Variants in GNB4 observed in about 807,000 individuals in gnomAD.
The protein encoded by GNB4 is guanine nucleotide-binding protein subunit beta-4.
In GNB4, 28 loss-of-function variants were observed where a neutral mutation model predicts 45.2. The observed-to-expected ratio is 0.62, with a 90% CI of 0.46 to 0.85. The LOEUF is 0.85. Ranked by LOEUF, GNB4 falls within the 40% of genes least tolerant of loss-of-function variation. The pLI is 0.00. For synonymous variants in GNB4, 132 were observed against 143.7 expected, an observed-to-expected ratio of 0.92 and a Z score of 0.58; for missense variants, 321 against 425.4, an observed-to-expected ratio of 0.75 and a Z score of 2.16.
intron 2 of GNB4, among the ~76,000 whole-genome samples, chr3:179,425,752 T>C (rs1285927385): frequency 6.6e-6 from 1 of 152,234 alleles, no homozygotes; most frequent in African/African-American, 2.4e-5. Flanking sequence ...ATTACAGGCA[T>C]GAGCCACTGT....
At chr3:179,421,444 A>G (rs145628413) in intron 2 of GNB4, among the ~76,000 whole-genome samples, 5,026 of 152,324 alleles carry the variant, frequency 0.033, 117 homozygotes, top group Middle Eastern at 0.19. Flanking sequence ...GTTTTTTTCA[A>G]ATTTATCAGT....
chr3:179,487,777 G>T, the GNB4 span, among the ~76,000 whole-genome samples: 15 of 152,084 alleles, frequency 9.9e-5, no homozygotes, highest in Non-Finnish European at 1.9e-4. Context: ...TTGGCCAGGT[G>T]CGTTGGCTCA....
the GNB4 span, among the ~76,000 whole-genome samples, chr3:179,462,439 T>C: frequency 6.6e-6 from 1 of 152,238 alleles, no homozygotes; most frequent in African/African-American, 2.4e-5. Context: ...ACATGAGCTA[T>C]GAGGTTAGAA....
chr3:179,410,403 GCAC>G lies in GNB4; in HGVS notation c.699+3006_699+3008del, dbSNP rs1305055533. On this transcript the variant is annotated intron_variant, in intron 8 of 9. Coordinates refer to ENST00000232564, the MANE Select transcript of GNB4 (RefSeq NM_021629.4). ...TCATTGCTAAGGCTGCCATAACAAA[GCAC>G]CACAAGCTGGGTGGCTTAAACAAAA... is the stretch of plus-strand genomic sequence containing the variant. The G allele has an allele frequency of 5.3e-5, 8 of 152,266 alleles. No individual in the cohort carries two copies. In the East Asian group the frequency reaches 1.3e-3, roughly 26 times the overall value. The allele number at this position is 152,266 out of a possible 1,614,324, so 9.4% of individuals were successfully genotyped here.
chr3:179,505,917 G>A, the GNB4 span, among the ~76,000 whole-genome samples: 1 of 152,204 alleles, frequency 6.6e-6, no homozygotes, highest in South Asian at 2.1e-4. Flanking sequence ...CTTTGTTGTT[G>A]CTGTGTTTGT....
At chr3:179,515,127 C>T in the GNB4 span, among the ~76,000 whole-genome samples, 3 of 152,158 alleles carry the variant, frequency 2.0e-5, no homozygotes, top group African/African-American at 7.2e-5. Flanking sequence ...GCAACCTGAG[C>T]GATTTCAGTA....
intron 1 of GNB4, among the ~76,000 whole-genome samples, chr3:179,449,014 T>C (rs907049145): frequency 6.6e-6 from 1 of 152,204 alleles, no homozygotes; most frequent in Non-Finnish European, 1.5e-5. Context: ...TGTACAATAA[T>C]GTAAATGATT....
intron 1 of GNB4, among the ~76,000 whole-genome samples, chr3:179,443,792 T>C (rs1715652183): frequency 6.6e-6 from 1 of 152,204 alleles, no homozygotes; most frequent in African/African-American, 2.4e-5. Flanking sequence ...CAGGTTTAGA[T>C]TAGCAGCTAA....
At chr3:179,488,513 T>C in the GNB4 span, among the ~76,000 whole-genome samples, 1 of 152,190 alleles carries the variant, frequency 6.6e-6, no homozygotes, top group Non-Finnish European at 1.5e-5. Flanking sequence ...TTCCTGCCTA[T>C]AGGTTGTGAT....
chr3:179,468,035 A>ATATATATAT, the GNB4 span, among the ~76,000 whole-genome samples: 4 of 89,856 alleles, frequency 4.5e-5, no homozygotes, highest in Non-Finnish European at 7.1e-5. Context: ...TGTTGATAAA[A>ATATATATAT]ATATATATAT....
At chr3:179,516,958 C>T in the GNB4 span, among the ~76,000 whole-genome samples, 18 of 152,024 alleles carry the variant, frequency 1.2e-4, no homozygotes, top group South Asian at 2.1e-4. Context: ...GGAAGTAAAG[C>T]GGCCTTGAGA....
chr3:179,492,741 G>A, the GNB4 span, among the ~76,000 whole-genome samples: 1 of 152,142 alleles, frequency 6.6e-6, no homozygotes, highest in East Asian at 1.9e-4. Context: ...CTGAAACCCA[G>A]TGTTGCTGTG....
chr3:179,402,919 A>C (rs898642322), intron 9 of GNB4, among the ~76,000 whole-genome samples: 1 of 152,218 alleles, frequency 6.6e-6, no homozygotes, highest in Non-Finnish European at 1.5e-5. Flanking sequence ...CACTCAGAGG[A>C]AAGGGTAAAA....
chr3:179,405,420 T>C lies in GNB4; in HGVS notation c.700-14A>G, dbSNP rs1714438043. ...ATTTGGGAAAAACTAGACAGGAAAG[T>C]AACAAACATTTATTCTACAGATGTA... On this transcript the variant is annotated splice_polypyrimidine_tract_variant and intron_variant, in intron 8 of 9. Transcript: ENST00000232564. 6.4e-7 allele frequency: 1 copy of C among 1,554,834 alleles called. No individual in the cohort carries two copies. Among genetic ancestry groups the C allele is most frequent in the Non-Finnish European group, 8.9e-7 (1 of 1,129,550 alleles).
At chr3:179,515,765 G>A in the GNB4 span, among the ~76,000 whole-genome samples, 149 of 152,176 alleles carry the variant, frequency 9.8e-4, 1 homozygote, top group African/African-American at 3.0e-3. Context: ...AAAAATTTTC[G>A]GGGGGTGGTA....
chr3:179,462,215 G>A, the GNB4 span, among the ~76,000 whole-genome samples: 2 of 152,048 alleles, frequency 1.3e-5, no homozygotes, highest in South Asian at 2.1e-4. Context: ...GAACTGCAGT[G>A]TCTCATACAG....
At chr3:179,409,747 T>C (rs1359150274) in intron 8 of GNB4, among the ~76,000 whole-genome samples, 1 of 150,080 alleles carries the variant, frequency 6.7e-6, no homozygotes, top group Admixed American at 6.6e-5. Flanking sequence ...GAGGCAGAGG[T>C]TGCAGTGAGC....
In GNB4 at chr3:179,415,010, G is replaced by A; in HGVS notation, c.305C>T (p.Thr102Ile). 1 of 1,609,342 alleles carries A rather than the reference G, an allele frequency of 6.2e-7. No homozygotes were observed. Among genetic ancestry groups the A allele is most frequent in the Non-Finnish European group, 8.5e-7 (1 of 1,176,836 alleles). The part of the protein sequence containing the change: ...AIPLRSSWVM[T>I]CAYAPSGNYV... ...ATTACCAGAGGGAGCATAAGCACAGGTCATCACCCAGGAGGACCTCAAAGG... is the reference window on the plus strand; with the variant it reads ...ATTACCAGAGGGAGCATAAGCACAGATCATCACCCAGGAGGACCTCAAAGG... Residue 102 changes from threonine to isoleucine, a missense_variant, in exon 6 of 10, where the codon ACC (threonine) becomes ATC (isoleucine). Transcript: ENST00000232564.
chr3:179,411,286 G>A (rs1381614527), intron 8 of GNB4, among the ~76,000 whole-genome samples: 1 of 151,950 alleles, frequency 6.6e-6, no homozygotes, highest in Non-Finnish European at 1.5e-5. Flanking sequence ...TGTGAGAAAT[G>A]TCACTGTTAA....
Sources: gnomAD v4.1 joint callset for allele counts (sites outside exome capture counted in the v4.1 genomes callset) on GRCh38, gnomAD v4.1.1 for gene constraint, MANE v1.5 for transcripts, NCBI Gene and HGNC (gene_info 2026-07-23, HGNC 2026-07-21) for gene names.